The following COL24A1 variants were observed in gnomAD, a reference collection of about 807,000 sequenced individuals.
COL24A1 encodes the protein collagen type XXIV alpha 1 chain, also known as collagen alpha-1(XXIV) chain.
A neutral mutation model predicts 253.9 loss-of-function variants in COL24A1; 224 were observed. That is an observed-to-expected ratio of 0.88 (90% CI 0.79 to 0.99). The LOEUF (loss-of-function observed/expected upper bound fraction) is 0.99, where lower values mean the gene tolerates loss of function less well. Ranked by LOEUF, COL24A1 falls within the 50% of genes least tolerant of loss-of-function variation. COL24A1 has a pLI of 0.00. For missense variants in COL24A1, 2,131 were observed against 2,068.5 expected, an observed-to-expected ratio of 1.03 and a Z score of -0.59; for synonymous variants, 685 against 673.7, an observed-to-expected ratio of 1.02 and a Z score of -0.26.
At position 85,909,893 on chromosome 1, in the gene COL24A1, C is replaced by T. The variant is rs141698592; in HGVS notation, c.2670+57G>A. ...AGCCCAGGCAATTCCATCTCTGGAA[C>T]GACTTGCTTTTATTGCATTCTTTGG... On this transcript the variant is annotated intron_variant, in intron 26 of 59. Transcript: ENST00000370571. 267 of 1,402,156 alleles carry T rather than the reference C, an allele frequency of 1.9e-4. 6 individuals are homozygous for T. In the Middle Eastern group the frequency reaches 4.5e-3, roughly 23 times the overall value. The allele number at this position is 1,402,156 out of a possible 1,614,324, so 86.9% of individuals were successfully genotyped here.
At chr1:85,989,570 T>C (rs1026053701) in intron 19 of COL24A1, among the ~76,000 whole-genome samples, 3 of 152,190 alleles carry the variant, frequency 2.0e-5, no homozygotes, top group African/African-American at 7.2e-5. Context: ...CTGATCATTC[T>C]ATGGAATCTG....
intron 47 of COL24A1, among the ~76,000 whole-genome samples, chr1:85,815,556 T>C (rs917832151): frequency 6.6e-6 from 1 of 152,212 alleles, no homozygotes; most frequent in Non-Finnish European, 1.5e-5. Flanking sequence ...AGAATCTGAC[T>C]AGATATTTAT....
intron 28 of COL24A1, among the ~76,000 whole-genome samples, chr1:85,905,056 A>T (rs1684675173): frequency 6.6e-6 from 1 of 152,134 alleles, no homozygotes; most frequent in Admixed American, 6.6e-5. Flanking sequence ...TCAGAACAGC[A>T]AGAGAGTATA....
intron 25 of COL24A1, 58 bp downstream of exon 25, chr1:85,911,322 C>A: frequency 7.7e-7 from 1 of 1,306,784 alleles, no homozygotes; most frequent in Admixed American, 1.8e-5. Context: ...TGAAAGTCTG[C>A]CTTTTGAATT....
chr1:85,891,817 C>T (rs1683160505), intron 31 of COL24A1, among the ~76,000 whole-genome samples: 1 of 152,176 alleles, frequency 6.6e-6, no homozygotes, highest in Non-Finnish European at 1.5e-5. Flanking sequence ...GCTGTTGATA[C>T]TGCATAAAAG....
At chr1:85,879,925 T>C (rs1681632552) in intron 32 of COL24A1, among the ~76,000 whole-genome samples, 3 of 152,216 alleles carry the variant, frequency 2.0e-5, no homozygotes, top group Admixed American at 2.0e-4. Context: ...CACACTGTCT[T>C]GATTACTGTA....
At chr1:86,103,935 C>A (rs765976638) in intron 5 of COL24A1, among the ~76,000 whole-genome samples, 30 of 152,228 alleles carry the variant, frequency 2.0e-4, no homozygotes, top group African/African-American at 6.5e-4. Flanking sequence ...GCCTCTCTAG[C>A]TAGGTTAGGG....
At chr1:86,111,531 C>CAATCA (rs1705601567) in intron 5 of COL24A1, among the ~76,000 whole-genome samples, 1 of 152,128 alleles carries the variant, frequency 6.6e-6, no homozygotes, top group African/African-American at 2.4e-5. Context: ...CAAAACAGAG[C>CAATCA]GATCAGCTCT....
At chr1:85,979,700 C>T (rs1303935371) in intron 20 of COL24A1, among the ~76,000 whole-genome samples, 8 of 69,320 alleles carry the variant, frequency 1.2e-4, no homozygotes, top group African/African-American at 6.7e-4. Flanking sequence ...TTAAAAACTG[C>T]CAAAAAAAAA....
At chr1:86,055,019 T>C (rs532782576) in intron 10 of COL24A1, among the ~76,000 whole-genome samples, 1 of 152,278 alleles carries the variant, frequency 6.6e-6, no homozygotes, top group South Asian at 2.1e-4. Flanking sequence ...GAGGCCATTA[T>C]CCTAAGCAAA....
At chr1:86,003,132 G>A (rs1695599440) in intron 19 of COL24A1, among the ~76,000 whole-genome samples, 1 of 152,106 alleles carries the variant, frequency 6.6e-6, no homozygotes, top group Admixed American at 6.6e-5. Flanking sequence ...CTGGAATTCT[G>A]GAGTAAGGCC....
At chr1:85,772,550 A>G (rs1482717423) in intron 53 of COL24A1, among the ~76,000 whole-genome samples, 3 of 152,040 alleles carry the variant, frequency 2.0e-5, no homozygotes, top group African/African-American at 7.2e-5. Context: ...TGACTTTTTA[A>G]TGATCGCCAT....
chr1:85,827,846 A>G (rs903006892), intron 43 of COL24A1, among the ~76,000 whole-genome samples: 1 of 151,826 alleles, frequency 6.6e-6, no homozygotes, highest in Non-Finnish European at 1.5e-5. Flanking sequence ...TGGTCTATCA[A>G]TTTTGTTGAT....
chr1:85,830,310 C>A (rs563758680), intron 43 of COL24A1, among the ~76,000 whole-genome samples: 4 of 152,140 alleles, frequency 2.6e-5, no homozygotes, highest in Non-Finnish European at 4.4e-5. Context: ...GCTGGGAGAA[C>A]CACTGCTCTC....
At chr1:85,804,626 C>G (rs552137777) in intron 47 of COL24A1, among the ~76,000 whole-genome samples, 29 of 152,254 alleles carry the variant, frequency 1.9e-4, no homozygotes, top group South Asian at 1.2e-3. Context: ...AAAAAGAGAG[C>G]TTGTGCAGGG....
intron 37 of COL24A1, among the ~76,000 whole-genome samples, chr1:85,858,510 G>A (rs989458075): frequency 6.6e-6 from 1 of 151,742 alleles, no homozygotes. Flanking sequence ...CTATGCTTAG[G>A]TGCCTGGCTC....
chr1:86,076,420 G>C (rs1469450781), intron 7 of COL24A1, among the ~76,000 whole-genome samples: 1 of 152,192 alleles, frequency 6.6e-6, no homozygotes, highest in African/African-American at 2.4e-5. Context: ...AACATTCCAT[G>C]CTCATGGATT....
chr1:86,028,920 T>C (rs967129864), intron 14 of COL24A1, among the ~76,000 whole-genome samples: 7 of 152,200 alleles, frequency 4.6e-5, no homozygotes, highest in Non-Finnish European at 1.0e-4. Flanking sequence ...TAGTATGTCA[T>C]GGACATGTGG....
intron 47 of COL24A1, among the ~76,000 whole-genome samples, chr1:85,813,831 G>A (rs1243671048): frequency 1.3e-5 from 2 of 152,084 alleles, no homozygotes; most frequent in African/African-American, 4.8e-5. Context: ...GATTACAGGC[G>A]TGAGCCACCG....
Sources: allele counts gnomAD v4.1 joint callset (sites outside exome capture counted in the v4.1 genomes callset), GRCh38; gene constraint gnomAD v4.1.1; transcripts MANE v1.5; gene names NCBI Gene and HGNC (gene_info 2026-07-23, HGNC 2026-07-21).